Variants in TEX11 observed in about 807,000 individuals in gnomAD.
The protein encoded by TEX11 is testis expressed 11.
TEX11 carries 7 observed loss-of-function variants against 84.4 expected under a neutral mutation model. The ratio of observed to expected loss-of-function variants is 0.08; its 90% CI spans 0.05 to 0.16. TEX11 has a LOEUF of 0.16. TEX11 is among the 10% of genes least tolerant of loss of function. The pLI is 1.00. For synonymous variants in TEX11, 264 were observed against 222.8 expected, an observed-to-expected ratio of 1.18 and a Z score of -1.64; for missense variants, 551 against 660.5, an observed-to-expected ratio of 0.83 and a Z score of 1.82.
At chrX:70,838,217 A>C (rs2091416886) in intron 7 of TEX11, among the ~76,000 whole-genome samples, 1 of 111,617 alleles carries the variant, frequency 9.0e-6, no homozygotes, top group Non-Finnish European at 1.9e-5. Flanking sequence ...TCAGGAGTTC[A>C]AGACCAGCCT....
intron 16 of TEX11, among the ~76,000 whole-genome samples, chrX:70,664,313 T>G (rs1022505103): frequency 4.5e-5 from 5 of 111,820 alleles, no homozygotes; most frequent in Non-Finnish European, 9.4e-5. Context: ...ATCTACTTTG[T>G]TCTTGTACAA....
intron 13 of TEX11, among the ~76,000 whole-genome samples, chrX:70,701,409 A>T (rs1391418992): frequency 1.8e-5 from 2 of 112,123 alleles, no homozygotes; most frequent in Non-Finnish European, 3.8e-5. Context: ...CAAAGCCTGG[A>T]TGATAGCACA....
intron 28 of TEX11, among the ~76,000 whole-genome samples, chrX:70,541,741 G>C (rs920616874): frequency 1.8e-5 from 2 of 112,219 alleles, no homozygotes; most frequent in Admixed American, 9.4e-5. Context: ...CTGGGTGACA[G>C]AGCGAGACTC....
At chrX:70,730,615 T>C (rs965100890) in intron 11 of TEX11, among the ~76,000 whole-genome samples, 3 of 111,891 alleles carry the variant, frequency 2.7e-5, no homozygotes, top group African/African-American at 9.8e-5. Context: ...ATCCTAAATA[T>C]ATATGCACCC....
intron 2 of TEX11, among the ~76,000 whole-genome samples, chrX:70,884,987 C>T (rs1173591293): frequency 1.8e-5 from 2 of 111,340 alleles, no homozygotes; most frequent in Non-Finnish European, 3.8e-5. Flanking sequence ...AGTTTTGAGG[C>T]TCAGATGGGT....
the TEX11 span, among the ~76,000 whole-genome samples, chrX:70,520,344 TGTTA>T: frequency 5.3e-5 from 6 of 112,502 alleles, no homozygotes; most frequent in Admixed American, 3.8e-4. Context: ...TATTTCTTTC[TGTTA>T]GTTAGTTTTC....
At chrX:70,709,729 T>C (rs932016296) in intron 13 of TEX11, among the ~76,000 whole-genome samples, 1 of 51,371 alleles carries the variant, frequency 1.9e-5, no homozygotes, top group African/African-American at 5.6e-5. Flanking sequence ...TCAAAAACTA[T>C]TATATTAATA....
intron 20 of TEX11, among the ~76,000 whole-genome samples, chrX:70,621,520 C>CAAAAAAAAAAAAAAA (rs1159445117): frequency 6.7e-5 from 1 of 14,939 alleles, no homozygotes. Flanking sequence ...AACTCGGTCT[C>CAAAAAAAAAAAAAAA]AAAAAAAAAA....
intron 9 of TEX11, among the ~76,000 whole-genome samples, chrX:70,761,270 A>G (rs1444522949): frequency 8.9e-6 from 1 of 112,246 alleles, no homozygotes; most frequent in Non-Finnish European, 1.9e-5. Context: ...GTATATACCC[A>G]AAGGATTATA....
intron 11 of TEX11, among the ~76,000 whole-genome samples, chrX:70,726,580 G>C (rs2090600996): frequency 9.0e-6 from 1 of 110,729 alleles, no homozygotes; most frequent in African/African-American, 3.3e-5. Flanking sequence ...GCCCAGGCTG[G>C]AGTGTAGTGG....
chrX:70,533,348 A>G (rs1392366292), intron 28 of TEX11, among the ~76,000 whole-genome samples: 1 of 111,917 alleles, frequency 8.9e-6, no homozygotes, highest in African/African-American at 3.2e-5. Context: ...AGTTGGCTTG[A>G]GGTAACTCTG....
intron 14 of TEX11, 67 bp downstream of exon 14, chrX:70,682,607 A>T: frequency 9.1e-7 from 1 of 1,103,220 alleles, no homozygotes; most frequent in Non-Finnish European, 1.2e-6. Context: ...TTTTGCTATT[A>T]CTCTGACATC....
intron 11 of TEX11, among the ~76,000 whole-genome samples, chrX:70,737,379 A>G (rs1165925720): frequency 1.8e-5 from 2 of 111,215 alleles, no homozygotes; most frequent in African/African-American, 3.3e-5. Flanking sequence ...AGCCTAATAC[A>G]TGGTTAATTA....
intron 1 of TEX11, among the ~76,000 whole-genome samples, chrX:70,908,110 G>A (rs983671695): frequency 1.8e-5 from 2 of 111,432 alleles, no homozygotes; most frequent in African/African-American, 3.3e-5. Context: ...ATCCGCTTCC[G>A]CTACCAACCG....
At chrX:70,512,379 C>T in the TEX11 span, among the ~76,000 whole-genome samples, 2 of 107,554 alleles carry the variant, frequency 1.9e-5, no homozygotes, top group African/African-American at 6.9e-5. Context: ...CCACCACACC[C>T]GGCTAATTTT....
chrX:70,678,469 T>TA (rs1342702033), intron 15 of TEX11, among the ~76,000 whole-genome samples: 1 of 110,197 alleles, frequency 9.1e-6, no homozygotes, highest in Non-Finnish European at 1.9e-5. Context: ...TAAAGGTTTT[T>TA]TTTTCCATTT....
intron 11 of TEX11, among the ~76,000 whole-genome samples, chrX:70,735,648 C>A (rs2090690117): frequency 8.9e-6 from 1 of 112,068 alleles, no homozygotes; most frequent in Non-Finnish European, 1.9e-5. Context: ...AGCAATAATT[C>A]CCAAATTGAT....
At chrX:70,516,065 G>T in the TEX11 span, among the ~76,000 whole-genome samples, 2 of 111,605 alleles carry the variant, frequency 1.8e-5, no homozygotes, top group African/African-American at 3.3e-5. Flanking sequence ...CTCCCATTTT[G>T]TAGGTTGCCT....
At chrX:70,568,311 G>C (rs1168843943) in intron 25 of TEX11, among the ~76,000 whole-genome samples, 1 of 110,531 alleles carries the variant, frequency 9.0e-6, no homozygotes, top group Admixed American at 9.7e-5. Context: ...CTGCATGTGA[G>C]ATGGGTTTCC....
Sources: allele counts gnomAD v4.1 joint callset (sites outside exome capture counted in the v4.1 genomes callset), GRCh38; gene constraint gnomAD v4.1.1; transcripts MANE v1.5; gene names NCBI Gene and HGNC (gene_info 2026-07-23, HGNC 2026-07-21).